Variants in CDH19 observed in about 807,000 individuals in gnomAD.
CDH19 encodes the protein cadherin-19.
CDH19 carries 67 observed loss-of-function variants against 64.2 expected under a neutral mutation model. That is an observed-to-expected ratio of 1.04 (90% confidence interval 0.86 to 1.28). CDH19 has a LOEUF of 1.28. Ranked by LOEUF, CDH19 falls within the 50% of genes most tolerant of loss-of-function variation. CDH19 has a pLI of 0.00. For missense variants in CDH19, 1,030 were observed against 929.0 expected (o/e 1.11, Z -1.41); for synonymous variants, 346 against 319.3 (o/e 1.08, Z -0.89).
At chr18:66,545,114 G>T (rs1182417307) in intron 5 of CDH19, among the ~76,000 whole-genome samples, 1 of 151,936 alleles carries the variant, frequency 6.6e-6, no homozygotes, top group Non-Finnish European at 1.5e-5. Context: ...GAGTAGCTGG[G>T]TCTACAAGCG....
At chr18:66,509,642 T>C (rs1985375251) in intron 10 of CDH19, among the ~76,000 whole-genome samples, 2 of 151,754 alleles carry the variant, frequency 1.3e-5, no homozygotes, top group Admixed American at 1.3e-4. Flanking sequence ...ATATCAATAA[T>C]TTATAGGGAC....
chr18:66,600,364 G>C (rs1415627561), intron 1 of CDH19, among the ~76,000 whole-genome samples: 3 of 151,742 alleles, frequency 2.0e-5, no homozygotes, highest in Non-Finnish European at 4.4e-5. Context: ...GGTCAGTTAA[G>C]TAATGTCTTG....
At chr18:66,522,107 CG>C (rs1165875666) in intron 9 of CDH19, among the ~76,000 whole-genome samples, 1 of 151,348 alleles carries the variant, frequency 6.6e-6, no homozygotes, top group Non-Finnish European at 1.5e-5. Flanking sequence ...CCACCATGCC[CG>C]GCAATTTTTT....
intron 10 of CDH19, among the ~76,000 whole-genome samples, chr18:66,510,270 A>G (rs1401857262): frequency 6.6e-6 from 1 of 151,666 alleles, no homozygotes; most frequent in African/African-American, 2.4e-5. Flanking sequence ...ATGTGATTTT[A>G]TTCGCTAGGC....
At chr18:66,562,014 C>T (rs1041585348) in intron 3 of CDH19, among the ~76,000 whole-genome samples, 4 of 151,868 alleles carry the variant, frequency 2.6e-5, no homozygotes, top group African/African-American at 9.7e-5. Context: ...TTTGACTTTG[C>T]TTATTTTATC....
chr18:66,573,202 T>C (rs926406895), intron 1 of CDH19, among the ~76,000 whole-genome samples: 1 of 151,714 alleles, frequency 6.6e-6, no homozygotes, highest in African/African-American at 2.4e-5. Context: ...ATTTATTTTA[T>C]GAAGAAAAAT....
intron 9 of CDH19, among the ~76,000 whole-genome samples, chr18:66,523,253 T>C (rs984084865): frequency 6.6e-6 from 1 of 152,040 alleles, no homozygotes; most frequent in Non-Finnish European, 1.5e-5. Context: ...CAAAACCACA[T>C]GATCATTTGA....
chr18:66,593,683 C>T (rs1988806475), intron 1 of CDH19, among the ~76,000 whole-genome samples: 1 of 152,042 alleles, frequency 6.6e-6, no homozygotes, highest in South Asian at 2.1e-4. Context: ...CTGGTTATTT[C>T]TTCCACTAAT....
chr18:66,545,802 G>A lies in CDH19; in HGVS notation c.776-899C>T, dbSNP rs146535595. On this transcript the variant is annotated intron_variant, in intron 5 of 11. Coordinates refer to ENST00000262150, the MANE Select transcript of CDH19 (RefSeq NM_021153.4). The stretch of plus-strand genomic sequence containing the variant: ...GCATTACATCAGCCATCCTGGAAAT[G>A]CAAGGAAATATAGATCGAAAGGAGT... Among the ~76,000 whole-genome samples the A allele has an allele frequency of 1.3e-3, 200 of 152,180 alleles. 1 individual carries two copies. Among genetic ancestry groups the A allele is most frequent in the African/African-American group, 4.7e-3 (194 of 41,528 alleles).
Position 66,511,560 on chromosome 18 carries a change from G to T in CDH19, c.1576+8C>A. On this transcript the variant is annotated splice_region_variant and intron_variant, in intron 10 of 11. Transcript: ENST00000262150. ...GTATCAAAACTCATTATGAGTGAAT[G>T]ACATTACCTTGATTATCTATGATTG... 2 of 1,109,236 alleles carry T rather than the reference G, an allele frequency of 1.8e-6. No individual in the cohort carries two copies. Among genetic ancestry groups the T allele is most frequent in the South Asian group, 1.3e-5 (1 of 77,626 alleles). 68.7% of individuals were successfully genotyped at this position (1,109,236 alleles called of 1,614,324 possible).
intron 7 of CDH19, among the ~76,000 whole-genome samples, chr18:66,538,327 T>C (rs368609388): frequency 2.6e-5 from 4 of 152,070 alleles, no homozygotes; most frequent in Non-Finnish European, 5.9e-5. Flanking sequence ...TCCTATTTGA[T>C]TTTTTTCCAG....
At chr18:66,518,857 C>A (rs1985853754) in intron 9 of CDH19, among the ~76,000 whole-genome samples, 2 of 144,984 alleles carry the variant, frequency 1.4e-5, no homozygotes, top group South Asian at 4.2e-4. Flanking sequence ...TATTTCATTC[C>A]AGTCTAATGA....
At chr18:66,534,951 C>A in intron 8 of CDH19, 35 bp downstream of exon 8, 1 of 1,382,106 alleles carries the variant, frequency 7.2e-7, no homozygotes, top group South Asian at 1.9e-5. Context: ...CAAAATATGG[C>A]AAACAACTGT....
chr18:66,522,246 C>A (rs983827686), intron 9 of CDH19, among the ~76,000 whole-genome samples: 2 of 149,602 alleles, frequency 1.3e-5, no homozygotes, highest in African/African-American at 4.9e-5. Flanking sequence ...CCCAGCCCGG[C>A]GTAGTTTTGT....
chr18:66,505,475 A>G (rs568825328), intron 11 of CDH19, among the ~76,000 whole-genome samples, 173 bp from the exon 12 acceptor site: 1 of 150,328 alleles, frequency 6.7e-6, no homozygotes, highest in East Asian at 2.0e-4. Context: ...TTACAAAAGA[A>G]TGTATCACGA....
intron 3 of CDH19, among the ~76,000 whole-genome samples, chr18:66,559,502 C>G (rs1187047861): frequency 6.6e-6 from 1 of 151,196 alleles, no homozygotes. Flanking sequence ...CATTTATAGA[C>G]AGGTAGATAA....
At chr18:66,579,969 G>T (rs554161410) in intron 1 of CDH19, among the ~76,000 whole-genome samples, 1 of 152,090 alleles carries the variant, frequency 6.6e-6, no homozygotes, top group Non-Finnish European at 1.5e-5. Context: ...TCAAAAAAAT[G>T]GAAGATAGGC....
chr18:66,511,506 C>T, intron 10 of CDH19, 62 bp downstream of exon 10: 1 of 710,160 alleles, frequency 1.4e-6, no homozygotes, highest in South Asian at 1.7e-5. Flanking sequence ...CCATAAATTC[C>T]ATTAAAGTCT....
In CDH19 at chr18:66,505,083, C is replaced by T. The variant is rs763501703; in HGVS notation, c.2048G>A (p.Arg683Lys). Residue 683 changes from arginine (R) to lysine (K), a missense_variant, in exon 12 of 12, where the codon AGG becomes AAG. Physicochemically the swap from Arg to Lys is conservative, Grantham distance 26. Transcript: ENST00000262150. The part of the protein sequence containing the change: ...TTSAEIRSLY[R>K]QSLQVGPDSA... ...GTCGGGGCCAACTTGCAAAGACTGC[C>T]TGTATAGGCTCCTGATCTCAGCGCT... 12 of 1,613,560 alleles carry T rather than the reference C, an allele frequency of 7.4e-6. No individual in the cohort carries two copies. Among genetic ancestry groups the T allele is most frequent in the Non-Finnish European group, 9.3e-6 (11 of 1,179,762 alleles).
Sources: allele counts gnomAD v4.1 joint callset (sites outside exome capture counted in the v4.1 genomes callset), GRCh38; gene constraint gnomAD v4.1.1; transcripts MANE v1.5; gene names NCBI Gene and HGNC (gene_info 2026-07-23, HGNC 2026-07-21).